The following MAF variants were observed in gnomAD, a reference collection of about 807,000 sequenced individuals.
MAF encodes transcription factor Maf.
Under a neutral mutation model 22.0 loss-of-function variants are expected in MAF, and 10 were observed. The observed-to-expected ratio is 0.45, with a 90% CI of 0.28 to 0.77. The LOEUF (loss-of-function observed/expected upper bound fraction) is 0.77, where lower values mean the gene tolerates loss of function less well. MAF is among the 30% of genes least tolerant of loss of function. The pLI is 0.12. For missense variants in MAF, 544 were observed against 548.4 expected, an observed-to-expected ratio of 0.99 and a Z score of 0.08; for synonymous variants, 337 against 255.8, an observed-to-expected ratio of 1.32 and a Z score of -3.03.
chr16:79,558,375 A>G, the MAF span, among the ~76,000 whole-genome samples: 1 of 152,230 alleles, frequency 6.6e-6, no homozygotes, highest in Non-Finnish European at 1.5e-5. Context: ...TGTCAAAGAA[A>G]TATCATGGCT....
At chr16:79,305,803 C>T in the MAF span, among the ~76,000 whole-genome samples, 6 of 152,092 alleles carry the variant, frequency 3.9e-5, no homozygotes, top group East Asian at 1.9e-4. Flanking sequence ...AGGAGGCTTA[C>T]GAAATAGGGA....
chr16:79,365,581 GT>G, the MAF span, among the ~76,000 whole-genome samples: 91,808 of 150,566 alleles, frequency 0.61, 29,572 homozygotes, highest in African/African-American at 0.81. Flanking sequence ...GTTTGTGTTT[GT>G]TTTTTTTTTC....
chr16:79,313,364 C>T, the MAF span, among the ~76,000 whole-genome samples: 3,145 of 152,234 alleles, frequency 0.021, 34 homozygotes, highest in Middle Eastern at 0.044. Flanking sequence ...GATAAGAAAA[C>T]AAGGGTCAAA....
the MAF span, among the ~76,000 whole-genome samples, chr16:79,266,278 G>C: frequency 1.3e-5 from 2 of 152,142 alleles, no homozygotes; most frequent in Non-Finnish European, 2.9e-5. Context: ...TTTATGTCTA[G>C]AATTTTCCAT....
chr16:79,385,314 C>T, the MAF span, among the ~76,000 whole-genome samples: 1 of 152,306 alleles, frequency 6.6e-6, no homozygotes, highest in East Asian at 1.9e-4. Flanking sequence ...TTGGATTACA[C>T]TGAGAATGGT....
chr16:79,212,214 A>C, the MAF span: 8 of 1,437,610 alleles, frequency 5.6e-6, no homozygotes, highest in African/African-American at 1.4e-5. Context: ...GGGAAGAAAA[A>C]GCAAGTGTTC....
chr16:79,278,290 A>G, the MAF span, among the ~76,000 whole-genome samples: 4 of 152,240 alleles, frequency 2.6e-5, no homozygotes, highest in Non-Finnish European at 5.9e-5. Flanking sequence ...CTTTAGTTGC[A>G]TGTTCCTGAC....
the MAF span, among the ~76,000 whole-genome samples, chr16:79,439,958 C>T: frequency 1.3e-5 from 2 of 152,166 alleles, no homozygotes; most frequent in African/African-American, 4.8e-5. Context: ...TGTTTTGATG[C>T]GAGAGGTCTT....
chr16:79,421,546 A>G, the MAF span, among the ~76,000 whole-genome samples: 1 of 152,308 alleles, frequency 6.6e-6, no homozygotes, highest in Admixed American at 6.5e-5. Context: ...GCTTTTACAG[A>G]TCGGAAGACA....
the MAF span, among the ~76,000 whole-genome samples, chr16:79,480,371 G>C: frequency 9.9e-5 from 15 of 151,770 alleles, no homozygotes; most frequent in East Asian, 2.7e-3. Context: ...AATTCGTTTG[G>C]ATTTTAAAAT....
At chr16:79,358,896 T>C in the MAF span, among the ~76,000 whole-genome samples, 1 of 152,196 alleles carries the variant, frequency 6.6e-6, no homozygotes, top group Admixed American at 6.5e-5. Flanking sequence ...GGAAATTTCC[T>C]GGCAGAAGTG....
At chr16:79,582,453 T>C (rs1160500309), downstream of MAF, among the ~76,000 whole-genome samples, 2 of 152,224 alleles carry the variant, frequency 1.3e-5, no homozygotes, top group South Asian at 4.1e-4. Context: ...GCTCCTTCAA[T>C]AGTACCCCAG....
chr16:79,598,447 G>A (rs777879021), intron 1 of MAF: 8 of 1,237,782 alleles, frequency 6.5e-6, no homozygotes, highest in Admixed American at 7.8e-5. Flanking sequence ...GGGTGGGGCG[G>A]GGGGGTGTAA....
chr16:79,572,344 T>C, the MAF span, among the ~76,000 whole-genome samples: 1 of 152,120 alleles, frequency 6.6e-6, no homozygotes, highest in African/African-American at 2.4e-5. Context: ...CCCCATGTAG[T>C]TCTTTGAAAA....
Position 79,599,666 on chromosome 16 carries a change from G to A in MAF, c.237C>T (p.Gly79=), listed in dbSNP as rs774221844. The A allele has an allele frequency of 1.2e-6, 2 of 1,612,308 alleles. No individual in the cohort carries two copies. Among genetic ancestry groups the A allele is most frequent in the Admixed American group, 1.7e-5 (1 of 59,968 alleles). Residue 79 remains glycine, a synonymous_variant, in exon 1 of 2, where the codon GGC becomes GGT. Coordinates refer to ENST00000326043, the MANE Select transcript of MAF (RefSeq NM_005360.5). ...GGTGCGCCTTCTGCTCGCTGCCCGA[G>A]CCCGGGCTGGGCGCCGAGAAGCTGG... The part of the protein sequence containing the change: ...PSPSFSAPSP[G]SGSEQKAHLE...
chr16:79,555,732 C>A, the MAF span, among the ~76,000 whole-genome samples: 1 of 152,254 alleles, frequency 6.6e-6, no homozygotes, highest in African/African-American at 2.4e-5. Context: ...TGCAAATATT[C>A]CAAACTCTGA....
the MAF span, among the ~76,000 whole-genome samples, chr16:79,531,735 G>A: frequency 1.3e-5 from 2 of 152,148 alleles, no homozygotes; most frequent in Admixed American, 6.5e-5. Context: ...GGGAGTGGCT[G>A]TAAACACAGA....
chr16:79,589,089 G>A (rs1396401490), downstream of MAF, among the ~76,000 whole-genome samples: 9 of 152,008 alleles, frequency 5.9e-5, no homozygotes, highest in African/African-American at 2.2e-4. Flanking sequence ...GAGGGAGAGA[G>A]TAAAAAGTAG....
At chr16:79,441,135 T>C in the MAF span, among the ~76,000 whole-genome samples, 443 of 152,350 alleles carry the variant, frequency 2.9e-3, 4 homozygotes, top group African/African-American at 0.01. Context: ...GCTGTTTTTA[T>C]TCCCCATCTT....
Sources: allele counts gnomAD v4.1 joint callset (sites outside exome capture counted in the v4.1 genomes callset), GRCh38; gene constraint gnomAD v4.1.1; transcripts MANE v1.5; gene names NCBI Gene and HGNC (gene_info 2026-07-23, HGNC 2026-07-21).